Variants in PGGT1B observed in about 807,000 individuals in gnomAD.
The protein encoded by PGGT1B is protein geranylgeranyltransferase type I subunit beta, also known as geranylgeranyl transferase type-1 subunit beta.
A neutral mutation model predicts 46.1 loss-of-function variants in PGGT1B; 30 were observed. The ratio of observed to expected loss-of-function variants is 0.65; its 90% CI spans 0.49 to 0.88. The LOEUF (loss-of-function observed/expected upper bound fraction) is 0.88. Among genes scored for constraint, PGGT1B ranks in the 40% least tolerant of loss-of-function variants. The pLI is 0.00. For synonymous variants in PGGT1B, 170 were observed against 160.0 expected (o/e 1.06, Z -0.47); for missense variants, 376 against 455.9 (o/e 0.82, Z 1.60).
intron 1 of PGGT1B, among the ~76,000 whole-genome samples, chr5:115,262,333 G>A (rs1270179706): frequency 1.3e-5 from 2 of 152,202 alleles, no homozygotes; most frequent in African/African-American, 4.8e-5. Flanking sequence ...AATGACTTTA[G>A]AGAGGACAAG....
chr5:115,219,092 G>A (rs1214297037), intron 7 of PGGT1B, among the ~76,000 whole-genome samples: 3 of 151,788 alleles, frequency 2.0e-5, no homozygotes, highest in Non-Finnish European at 3.0e-5. Context: ...TTGCAGAAAT[G>A]GGAAAGTCAA....
intron 6 of PGGT1B, among the ~76,000 whole-genome samples, chr5:115,228,037 A>G (rs1458150097): frequency 1.3e-5 from 2 of 152,192 alleles, no homozygotes; most frequent in Non-Finnish European, 2.9e-5. Flanking sequence ...CCCCCAGGCC[A>G]AAAAAATTTT....
At chr5:115,251,813 C>T (rs1375197907) in intron 2 of PGGT1B, among the ~76,000 whole-genome samples, 1 of 151,466 alleles carries the variant, frequency 6.6e-6, no homozygotes, top group Non-Finnish European at 1.5e-5. Flanking sequence ...CTTTAAAAAC[C>T]GGGCATGTAC....
intron 2 of PGGT1B, among the ~76,000 whole-genome samples, chr5:115,243,460 T>G (rs1169306802): frequency 6.6e-6 from 1 of 152,200 alleles, no homozygotes; most frequent in African/African-American, 2.4e-5. Flanking sequence ...TAAATGTGCA[T>G]TTTTATGTTT....
intron 3 of PGGT1B, 21 bp from the exon 4 acceptor site, chr5:115,238,030 G>C: frequency 6.6e-7 from 1 of 1,522,032 alleles, no homozygotes. Context: ...AATTAATATA[G>C]TACTAATTAA....
chr5:115,234,677 A>G (rs1257515231), intron 5 of PGGT1B, among the ~76,000 whole-genome samples: 1 of 152,052 alleles, frequency 6.6e-6, no homozygotes, highest in Non-Finnish European at 1.5e-5. Flanking sequence ...ATATGCCCTC[A>G]GACTCAAAAC....
At chr5:115,242,412 A>T (rs980602143) in intron 2 of PGGT1B, among the ~76,000 whole-genome samples, 15 of 152,228 alleles carry the variant, frequency 9.9e-5, no homozygotes, top group African/African-American at 3.4e-4. Flanking sequence ...GATAAAAAAA[A>T]ATCGAGTTGG....
intron 2 of PGGT1B, among the ~76,000 whole-genome samples, chr5:115,242,154 T>C (rs563977017): frequency 7.9e-5 from 12 of 152,348 alleles, no homozygotes; most frequent in African/African-American, 2.6e-4. Context: ...AGTAATCCAC[T>C]TGGCTTTGAA....
intron 8 of PGGT1B, among the ~76,000 whole-genome samples, chr5:115,215,278 G>A (rs1371854908): frequency 1.3e-5 from 2 of 151,892 alleles, no homozygotes; most frequent in African/African-American, 4.8e-5. Context: ...TTACAGGCGT[G>A]AGCCACTGCA....
Position 115,211,125 on chromosome 5 carries a change from T to C in PGGT1B, c.*1277A>G, listed in dbSNP as rs555909711. The C allele has an allele frequency of 1.3e-5, 2 of 152,192 alleles. No homozygotes were observed. The highest frequency in any genetic ancestry group is 3.9e-4 in the East Asian group (2 of 5,194). 9.4% of individuals were successfully genotyped at this position (152,192 alleles called of 1,614,324 possible). On this transcript the variant is annotated 3_prime_UTR_variant, in exon 9 of 9. Transcript: ENST00000419445. ...AACATTTATTATCACCAAGACTAAC[T>C]TAAAGCCAACTCCTTTAGTGAAGAG...
rs373588109 is a variant in PGGT1B, at chr5:115,261,066, A to G, written c.140+1646T>C. Among the ~76,000 whole-genome samples, 38 of 152,342 alleles carry G rather than the reference A, an allele frequency of 2.5e-4. No homozygotes were observed. The South Asian group carries it at 7.7e-3, about 31-fold the overall frequency. ...TCTAAGCAGTGTATGTATACGATAA[A>G]TATGCACATTATGTATCAATAACAA... On this transcript the variant is annotated intron_variant, in intron 1 of 8. Coordinates refer to ENST00000419445, the MANE Select transcript of PGGT1B (RefSeq NM_005023.4).
intron 6 of PGGT1B, among the ~76,000 whole-genome samples, chr5:115,229,329 G>A (rs1182046555): frequency 6.6e-6 from 1 of 152,056 alleles, no homozygotes; most frequent in Non-Finnish European, 1.5e-5. Context: ...ACCTATTTAA[G>A]ATATACAAAT....
At chr5:115,226,688 T>C (rs1756793754) in intron 6 of PGGT1B, among the ~76,000 whole-genome samples, 1 of 151,950 alleles carries the variant, frequency 6.6e-6, no homozygotes, top group South Asian at 2.1e-4. Flanking sequence ...AACTAATTCA[T>C]CAAATAGTAC....
chr5:115,244,545 A>T (rs1747724613), intron 2 of PGGT1B, among the ~76,000 whole-genome samples: 1 of 146,204 alleles, frequency 6.8e-6, no homozygotes, highest in Non-Finnish European at 1.5e-5. Flanking sequence ...TGCTATACTT[A>T]AAAAAAAAAT....
intron 6 of PGGT1B, among the ~76,000 whole-genome samples, chr5:115,222,960 G>T (rs1186959719): frequency 1.3e-5 from 2 of 152,144 alleles, no homozygotes; most frequent in African/African-American, 4.8e-5. Flanking sequence ...ACACACCGGG[G>T]CCTGTTGTGG....
At chr5:115,225,067 T>C (rs1442222137) in intron 6 of PGGT1B, among the ~76,000 whole-genome samples, 2 of 152,120 alleles carry the variant, frequency 1.3e-5, no homozygotes, top group Admixed American at 6.6e-5. Context: ...AGTACAATAC[T>C]AGAATTGTTC....
Position 115,207,415 on chromosome 5 carries a change from A to C in PGGT1B, c.*4987T>G, listed in dbSNP as rs923336808. On this transcript the variant is annotated 3_prime_UTR_variant, in exon 9 of 9. Coordinates refer to ENST00000419445, the MANE Select transcript of PGGT1B (RefSeq NM_005023.4). ...CTACTGAGTTAAAGCCAGTTGAAAA[A>C]TAATGTATACTATATGGTTCCACTC... The C allele has an allele frequency of 7.9e-5, 12 of 151,794 alleles. No individual in the cohort carries two copies. Among genetic ancestry groups the C allele is most frequent in the African/African-American group, 2.9e-4 (12 of 41,456 alleles). 9.4% of individuals were successfully genotyped at this position (151,794 alleles called of 1,614,324 possible).
intron 6 of PGGT1B, 70 bp downstream of exon 6, chr5:115,230,906 A>G (rs1756958043): frequency 1.1e-6 from 1 of 911,966 alleles, no homozygotes; most frequent in African/African-American, 1.7e-5. Flanking sequence ...GGTTCTCCAT[A>G]CTGAAGACAC....
rs776921574 is a variant in PGGT1B at position 115,212,365 on chromosome 5, T to A, written c.*37A>T. 6.2e-7 allele frequency: 1 copy of A among 1,606,528 alleles called. No individual in the cohort carries two copies. The highest frequency in any genetic ancestry group is 8.5e-7 in the Non-Finnish European group (1 of 1,175,696). On this transcript the variant is annotated 3_prime_UTR_variant, in exon 9 of 9. Transcript: ENST00000419445. Reference sequence around the variant, plus strand: ...GGCTTTTAAACTTGAGCTACAGTTATGCTACAAATCCCCCCACCCTCCCAA... The same window carrying A: ...GGCTTTTAAACTTGAGCTACAGTTAAGCTACAAATCCCCCCACCCTCCCAA...
Sources: allele counts gnomAD v4.1 joint callset (sites outside exome capture counted in the v4.1 genomes callset), GRCh38; gene constraint gnomAD v4.1.1; transcripts MANE v1.5; gene names NCBI Gene and HGNC (gene_info 2026-07-23, HGNC 2026-07-21).